Variants in KIF13B observed in about 807,000 individuals in gnomAD.
KIF13B encodes the protein kinesin-like protein KIF13B.
A neutral mutation model predicts 222.0 loss-of-function variants in KIF13B; 127 were observed. The ratio of observed to expected loss-of-function variants is 0.57; its 90% confidence interval spans 0.50 to 0.66. The LOEUF is 0.66. Among genes scored for constraint, KIF13B ranks in the 30% least tolerant of loss-of-function variants. KIF13B has a pLI of 0.00. For missense variants in KIF13B, 2,173 were observed against 2,379.0 expected (o/e 0.91, Z 1.80); for synonymous variants, 976 against 919.0 (o/e 1.06, Z -1.12).
chr8:29,190,033 T>G (rs1226304304), intron 4 of KIF13B: 1 of 152,252 alleles, frequency 6.6e-6, no homozygotes. Flanking sequence ...TATAGAGATG[T>G]AGGTTACCAT....
intron 2 of KIF13B, among the ~76,000 whole-genome samples, chr8:29,226,620 G>A (rs897023630): frequency 7.2e-5 from 11 of 152,106 alleles, no homozygotes; most frequent in Non-Finnish European, 1.3e-4. Flanking sequence ...CAAGATTGCT[G>A]GTCAGAATGA....
chr8:29,195,542 A>G (rs1813379980), intron 3 of KIF13B, among the ~76,000 whole-genome samples: 4 of 152,240 alleles, frequency 2.6e-5, no homozygotes, highest in Admixed American at 2.6e-4. Context: ...CTGTAAAGGA[A>G]AAACAAAACC....
intron 2 of KIF13B, among the ~76,000 whole-genome samples, chr8:29,232,870 C>T (rs752609140): frequency 1.3e-5 from 2 of 152,130 alleles, no homozygotes; most frequent in Non-Finnish European, 2.9e-5. Context: ...CATTTGAAAG[C>T]TTTCAGCTGG....
chr8:29,173,258 C>T (rs554272139), intron 10 of KIF13B, among the ~76,000 whole-genome samples: 2 of 152,008 alleles, frequency 1.3e-5, no homozygotes, highest in East Asian at 3.9e-4. Context: ...AGTAGCAACA[C>T]TGAAACAAGG....
chr8:29,148,926 C>T (rs1238197510), intron 15 of KIF13B, among the ~76,000 whole-genome samples, 159 bp from the exon 16 acceptor site: 1 of 152,192 alleles, frequency 6.6e-6, no homozygotes, highest in Non-Finnish European at 1.5e-5. Flanking sequence ...AGAAATAAGA[C>T]ACTCATGTGC....
intron 13 of KIF13B, among the ~76,000 whole-genome samples, chr8:29,156,916 G>A (rs1049731574): frequency 6.6e-6 from 1 of 151,972 alleles, no homozygotes; most frequent in African/African-American, 2.4e-5. Context: ...CTAAACTCTT[G>A]TTCCCATCTC....
Position 29,167,594 on chromosome 8 carries a change from G to A in KIF13B, c.946-9C>T, listed in dbSNP as rs545951117. The A allele has an allele frequency of 8.1e-6, 13 of 1,610,806 alleles. No homozygotes were observed. Among genetic ancestry groups the A allele is most frequent in the African/African-American group, 2.7e-5 (2 of 74,994 alleles). On this transcript the variant is annotated splice_polypyrimidine_tract_variant and intron_variant, in intron 10 of 39. Coordinates refer to ENST00000524189, the MANE Select transcript of KIF13B (RefSeq NM_015254.4). Reference sequence around the variant, plus strand: ...TTACCCCCGAGGCTGTCCTACAGGAGAAAACAGAAAGTTGAGTAGCATATT... The same window carrying A: ...TTACCCCCGAGGCTGTCCTACAGGAAAAAACAGAAAGTTGAGTAGCATATT...
At chr8:29,193,245 G>A (rs970500125) in intron 3 of KIF13B, among the ~76,000 whole-genome samples, 1 of 152,308 alleles carries the variant, frequency 6.6e-6, no homozygotes, top group African/African-American at 2.4e-5. Flanking sequence ...GTTACACACT[G>A]CTCACCCTCC....
intron 2 of KIF13B, among the ~76,000 whole-genome samples, chr8:29,231,526 T>C (rs1370645186): frequency 1.3e-5 from 2 of 152,242 alleles, no homozygotes; most frequent in Non-Finnish European, 2.9e-5. Flanking sequence ...CACAGGTTTC[T>C]GTTGTGGTAA....
chr8:29,144,404 C>T (rs924668640), intron 18 of KIF13B, among the ~76,000 whole-genome samples: 1 of 151,956 alleles, frequency 6.6e-6, no homozygotes, highest in Non-Finnish European at 1.5e-5. Context: ...ATTACAGGCG[C>T]CTGCCACCAC....
intron 2 of KIF13B, among the ~76,000 whole-genome samples, chr8:29,232,999 T>C (rs917602496): frequency 3.3e-5 from 5 of 152,098 alleles, no homozygotes; most frequent in African/African-American, 1.2e-4. Flanking sequence ...CTACTAAAAA[T>C]ACAAAAATTA....
chr8:29,186,958 C>A (rs370427639), intron 5 of KIF13B, among the ~76,000 whole-genome samples: 1 of 140,774 alleles, frequency 7.1e-6, no homozygotes, highest in Admixed American at 7.1e-5. Context: ...TACAGAGCAA[C>A]ACTCCATCTC....
Position 29,098,602 on chromosome 8 carries a change from C to CAA in KIF13B, c.4324+529_4324+530dup, listed in dbSNP as rs202180136. 1.8e-3 allele frequency among the ~76,000 whole-genome samples: 107 copies of CAA among 60,800 alleles called. 1 individual carries two copies. Among genetic ancestry groups the CAA allele is most frequent in the African/African-American group, 5.4e-3 (92 of 17,178 alleles). The allele number at this position is 60,800 out of a possible 152,430, so 39.9% of individuals were successfully genotyped here. A position where few individuals can be genotyped will look rare whatever the true frequency, so the allele number is the denominator to read the frequency against. On this transcript the variant is annotated intron_variant, in intron 36 of 39. Transcript: ENST00000524189. The stretch of plus-strand genomic sequence containing the variant: ...TGGGTGACAGAGCAAGACTCTGTCT[C>CAA]AAAAAAAAAAAAAAAAAGAAACTCA...
chr8:29,224,259 T>C (rs1814911928), intron 2 of KIF13B, among the ~76,000 whole-genome samples: 1 of 152,100 alleles, frequency 6.6e-6, no homozygotes, highest in Non-Finnish European at 1.5e-5. Flanking sequence ...TGCCTCGGCC[T>C]CCCAAAGTGC....
intron 35 of KIF13B, among the ~76,000 whole-genome samples, chr8:29,102,531 G>C (rs1808841333): frequency 6.6e-6 from 1 of 152,230 alleles, no homozygotes; most frequent in Non-Finnish European, 1.5e-5. Context: ...AACGCCGGAG[G>C]CTCCGGGGAG....
intron 22 of KIF13B, among the ~76,000 whole-genome samples, chr8:29,133,673 A>C (rs1810440379): frequency 6.6e-6 from 1 of 152,192 alleles, no homozygotes. Flanking sequence ...AATAACAAAG[A>C]GCTTTACAGA....
intron 1 of KIF13B, among the ~76,000 whole-genome samples, chr8:29,254,663 T>A (rs1816407443): frequency 6.6e-6 from 1 of 152,170 alleles, no homozygotes; most frequent in East Asian, 1.9e-4. Flanking sequence ...CAAGTGTTGG[T>A]GAGGATGTGG....
chr8:29,193,004 G>A (rs1813255092), intron 3 of KIF13B, among the ~76,000 whole-genome samples: 1 of 152,078 alleles, frequency 6.6e-6, no homozygotes, highest in Non-Finnish European at 1.5e-5. Flanking sequence ...AACTAAAGGG[G>A]GAGGCAGATA....
In KIF13B at chr8:29,140,611, G is replaced by C. The variant is rs1326613326; in HGVS notation, c.2341C>G (p.Arg781Gly). The C allele has an allele frequency of 6.2e-7, 1 of 1,611,960 alleles. No individual in the cohort carries two copies. ...KECEEDNPVI[R>G]SYFKRADPFY... ...GGATCAGCACGTTTGAAGTATGATCGTATTACCTGTAAAGAGATTGAGAAC... is the reference window on the plus strand; with the variant it reads ...GGATCAGCACGTTTGAAGTATGATCCTATTACCTGTAAAGAGATTGAGAAC... Residue 781 changes from arginine to glycine, a missense_variant, in exon 20 of 40, where the codon CGA becomes GGA. Transcript: ENST00000524189.
Sources: gnomAD v4.1 joint callset for allele counts (sites outside exome capture counted in the v4.1 genomes callset) on GRCh38, gnomAD v4.1.1 for gene constraint, MANE v1.5 for transcripts, NCBI Gene and HGNC (gene_info 2026-07-23, HGNC 2026-07-21) for gene names.